BCL9L: variants seen among roughly 807,000 people sequenced by gnomAD.
BCL9L encodes the protein BCL9 like.
A neutral mutation model predicts 99.4 loss-of-function variants in BCL9L; 19 were observed. The observed-to-expected ratio is 0.19, with a 90% CI of 0.13 to 0.28. BCL9L has a LOEUF of 0.28. BCL9L is among the 10% of genes least tolerant of loss of function. The pLI is 1.00. For missense variants in BCL9L, 2,023 were observed against 2,101.6 expected, an observed-to-expected ratio of 0.96 and a Z score of 0.73; for synonymous variants, 900 against 854.8, an observed-to-expected ratio of 1.05 and a Z score of -0.92.
intron 2 of BCL9L, among the ~76,000 whole-genome samples, chr11:118,912,029 C>T (rs1257667783): frequency 1.3e-5 from 2 of 152,386 alleles, no homozygotes; most frequent in Admixed American, 6.5e-5. Flanking sequence ...ACTCCACCCC[C>T]TCTCTCCCAC....
intron 2 of BCL9L, among the ~76,000 whole-genome samples, chr11:118,912,558 T>TAGCTGGGGGAGGG: frequency 6.6e-6 from 1 of 152,288 alleles, no homozygotes; most frequent in Non-Finnish European, 1.5e-5. Flanking sequence ...GACTTGATCC[T>TAGCTGGGGGAGGG]AGCTGGGGGA....
rs1940083018 is a variant in BCL9L at position 118,899,188 on chromosome 11, C to T, written c.3727G>A (p.Gly1243Arg). 3 of 1,490,976 alleles carry T rather than the reference C, an allele frequency of 2.0e-6. No individual in the cohort carries two copies. The highest frequency in any genetic ancestry group is 1.8e-6 in the Non-Finnish European group (2 of 1,119,332). 92.4% of individuals were successfully genotyped at this position (1,490,976 alleles called of 1,614,324 possible). A position where few individuals can be genotyped will look rare whatever the true frequency, so the allele number is the denominator to read the frequency against. The change falls in exon 10 of 10, where the codon GGG (glycine) becomes AGG (arginine). Residue 1243 changes from glycine (G) to arginine (R), a missense_variant. By Grantham distance (125) the Gly-to-Arg change is moderately radical (BLOSUM62 -2). Transcript: ENST00000683865. The part of the protein sequence containing the change: ...QQPHGAMAPT[G>R]GGGGGPGLQQ... ...AGGCCAGGCCCCCCGCCCCCACCCC[C>T]AGTGGGGGCCATGGCACCATGGGGC...
At position 118,901,920 on chromosome 11, in the gene BCL9L, A is replaced by T. The variant is rs1940262457; in HGVS notation, c.1823T>A (p.Ile608Lys). Residue 608 changes from isoleucine (I) to lysine (K), a missense_variant, in exon 8 of 10, where the codon ATA becomes AAA. By Grantham distance (102) the Ile-to-Lys change is moderately radical (BLOSUM62 -3). Transcript: ENST00000683865. The surrounding 1 kb of genome is among the most constrained non-coding windows in gnomAD (Gnocchi z 6.6). Reference protein sequence around the residue: ...FPGPRFPGNQIQRVPGFGGMQ... With the variant: ...FPGPRFPGNQKQRVPGFGGMQ... ...GCCCCCAAACCCAGGTACCCGTTGT[A>T]TCTGGTTGCCTGGGAAACGGGGCCC... 3 of 1,613,448 alleles carry T rather than the reference A, an allele frequency of 1.9e-6. No individual in the cohort carries two copies. The highest frequency in any genetic ancestry group is 2.2e-5 in the East Asian group (1 of 44,878).
At chr11:118,919,049 C>G (rs1395316104) in intron 1 of BCL9L, among the ~76,000 whole-genome samples, 170 bp from the exon 2 acceptor site, 1 of 134,346 alleles carries the variant, frequency 7.4e-6, no homozygotes, top group African/African-American at 2.8e-5. Context: ...CCCCCACCCC[C>G]ACCAGGACTT....
intron 3 of BCL9L, 105 bp from the exon 4 acceptor site, chr11:118,908,760 G>A (rs1940648192): frequency 4.4e-6 from 4 of 909,384 alleles, no homozygotes; most frequent in South Asian, 1.7e-5. Flanking sequence ...GGGGAGGGTG[G>A]GGGGAAGGGG....
rs1221683769 is a variant in BCL9L at position 118,901,839 on chromosome 11, G to C, written c.1904C>G (p.Pro635Arg). ...PMNAMQRPVR[P>R]GMGWTEDLPP... is the part of the protein sequence containing the mutation. ...CAAGTCTTCGGTCCAGCCCATGCCT[G>C]GTCTCACGGGCCTCTGCATGGCATT... The change falls in exon 8 of 10, where the codon CCA (proline) becomes CGA (arginine). Residue 635 changes from proline to arginine, a missense_variant. Around this residue, in one of 3 missense-constraint regions of BCL9L, gnomAD observed 1,116 missense variants for 1,194.6 expected, o/e 0.93. Transcript: ENST00000683865. The surrounding 1 kb of genome is among the most constrained non-coding windows in gnomAD (Gnocchi z 6.6). 6.2e-7 allele frequency: 1 copy of C among 1,609,778 alleles called. No individual in the cohort carries two copies. Among genetic ancestry groups the C allele is most frequent in the Admixed American group, 1.7e-5 (1 of 59,912 alleles).
At position 118,903,338 on chromosome 11, in the gene BCL9L, C is replaced by G. The variant is rs1940371121; in HGVS notation, c.647G>C (p.Gly216Ala). Residue 216 changes from glycine (G) to alanine (A), a missense_variant, in exon 6 of 10, where the codon GGC becomes GCC. Around this residue, in one of 3 missense-constraint regions of BCL9L, gnomAD observed 1,116 missense variants for 1,194.6 expected, o/e 0.93. Coordinates refer to ENST00000683865, the MANE Select transcript of BCL9L (RefSeq NM_001378213.1). The surrounding 1 kb of genome is among the most constrained non-coding windows in gnomAD (Gnocchi z 5.6). ...GCCCCCAGGGGCATCAGGCCGAAGG[C>G]CAGGAGGAGGGCCGTGCGGGGCGCC... Reference protein sequence around the residue: ...VPGAPHGPPPGLRPDAPGGGG... With the variant: ...VPGAPHGPPPALRPDAPGGGG... 4 of 1,593,546 alleles carry G rather than the reference C, an allele frequency of 2.5e-6. No individual in the cohort carries two copies. Among genetic ancestry groups the G allele is most frequent in the Non-Finnish European group, 3.4e-6 (4 of 1,171,024 alleles).
chr11:118,902,918 G>T lies in BCL9L; in HGVS notation c.835-10C>A. 6.3e-7 allele frequency: 1 copy of T among 1,587,804 alleles called. No individual in the cohort carries two copies. On this transcript the variant is annotated splice_polypyrimidine_tract_variant and intron_variant, in intron 7 of 9. Coordinates refer to ENST00000683865, the MANE Select transcript of BCL9L (RefSeq NM_001378213.1). This position sits in a 1 kb window ranked among gnomAD's most constrained non-coding sequence, Gnocchi z 7.8. ...GGGGCACTTTAGGGGCCTGCAGAAG[G>T]ACAAAGAGAGCATGAGACAGGTAAG...
chr11:118,902,452 G>T lies in BCL9L; in HGVS notation c.1291C>A (p.Leu431Ile), dbSNP rs1368529586. 3 of 1,601,032 alleles carry T rather than the reference G, an allele frequency of 1.9e-6. No individual in the cohort carries two copies. Among genetic ancestry groups the T allele is most frequent in the Non-Finnish European group, 2.6e-6 (3 of 1,174,060 alleles). The stretch of plus-strand genomic sequence containing the variant: ...CCCGCTCCTCCTGGGGGCCCCTTGA[G>T]GAAGGGCTCAGTCTCTCCGCTGCGG... Reference protein sequence around the residue: ...LLRSGETEPFLKGPPGGAGEG... With the variant: ...LLRSGETEPFIKGPPGGAGEG... The change falls in exon 8 of 10, where the codon CTC becomes ATC. Residue 431 changes from leucine (L) to isoleucine (I), a missense_variant. Physicochemically the swap from Leu to Ile is conservative, Grantham distance 5. This residue lies in a region of BCL9L where 1,116 missense variants were observed against 1,194.6 expected (regional missense o/e 0.93). Coordinates refer to ENST00000683865, the MANE Select transcript of BCL9L (RefSeq NM_001378213.1). This position sits in a 1 kb window ranked among gnomAD's most constrained non-coding sequence, Gnocchi z 7.8.
chr11:118,898,039 G>A lies in BCL9L; in HGVS notation c.*376C>T, dbSNP rs1327463328. Reference sequence around the variant, plus strand: ...GAGCAGAAGGGGCTGGGGGAGACCTGACCTGTCCTTCCTCTCTCCCCCCAG... The same window carrying A: ...GAGCAGAAGGGGCTGGGGGAGACCTAACCTGTCCTTCCTCTCTCCCCCCAG... On this transcript the variant is annotated 3_prime_UTR_variant, in exon 10 of 10. Transcript: ENST00000683865. The A allele has an allele frequency of 1.4e-5, 6 of 421,474 alleles. No homozygotes were observed. The highest frequency in any genetic ancestry group is 2.7e-5 in the Non-Finnish European group (6 of 222,782). The allele number at this position is 421,474 out of a possible 1,614,324, so 26.1% of individuals were successfully genotyped here.
intron 1 of BCL9L, among the ~76,000 whole-genome samples, chr11:118,924,101 T>C (rs1489736437): frequency 6.6e-6 from 1 of 151,988 alleles, no homozygotes; most frequent in African/African-American, 2.4e-5. Flanking sequence ...GAGAAGACAG[T>C]GGAAGCCCAC....
At chr11:118,904,169 G>A (rs1032249690) in intron 5 of BCL9L, among the ~76,000 whole-genome samples, 4 of 152,148 alleles carry the variant, frequency 2.6e-5, no homozygotes, top group Admixed American at 6.5e-5. Context: ...AGCCGGGAGC[G>A]GTGTCTCACG....
rs369480203 is a variant in BCL9L, at chr11:118,901,602, G to A, written c.2141C>T (p.Ala714Val). The A allele has an allele frequency of 6.3e-5, 102 of 1,613,856 alleles. No homozygotes were observed. Among genetic ancestry groups the A allele is most frequent in the Middle Eastern group, 4.9e-4 (3 of 6,084 alleles). The change falls in exon 8 of 10, where the codon GCG becomes GTG. Residue 714 changes from alanine (A) to valine (V), a missense_variant. By Grantham distance (64) the Ala-to-Val change is moderately conservative. This residue lies in a region of BCL9L where 1,116 missense variants were observed against 1,194.6 expected (regional missense o/e 0.93). Transcript: ENST00000683865. This position sits in a 1 kb window ranked among gnomAD's most constrained non-coding sequence, Gnocchi z 6.6. ...CATGGCAGGATCCATCTGTCGGTGC[G>A]CCTGCATCATCCGCTCCATCTCCAT... ...QSMEMERMMQ[A>V]HRQMDPAMFP... is the part of the protein sequence containing the mutation.
Position 118,925,673 on chromosome 11 carries a change from A to AG in BCL9L, c.-567dup, listed in dbSNP as rs147954097. On this transcript the variant is annotated 5_prime_UTR_variant, in exon 1 of 10. Transcript: ENST00000683865. This position sits in a 1 kb window ranked among gnomAD's most constrained non-coding sequence, Gnocchi z 6.4. ...CGGGAATGCCGGGCGCTGGGTGGGG[A>AG]GGGGCTGTCTGGGCGCTTATTGTTG... 151,347 of 151,390 alleles carry AG rather than the reference A, an allele frequency of 1. 75,652 individuals are homozygous for AG. The highest frequency in any genetic ancestry group is 1 in the Middle Eastern group (292 of 292). The allele number at this position is 151,390 out of a possible 1,614,324, so 9.4% of individuals were successfully genotyped here.
chr11:118,901,730 A>G lies in BCL9L; in HGVS notation c.2013T>C (p.Thr671=). The change falls in exon 8 of 10, where the codon ACT becomes ACC. Residue 671 remains threonine (T), a synonymous_variant. Transcript: ENST00000683865. This position sits in a 1 kb window ranked among gnomAD's most constrained non-coding sequence, Gnocchi z 6.6. ...GCAGCAGCTCCTCACGGACCCGGGG[A>G]GTCATGAATCGCTCCGCCTCACCCT... The part of the protein sequence containing the change: ...GGQGEAERFM[T]PRVREELLRH... 1 of 1,613,216 alleles carries G rather than the reference A, an allele frequency of 6.2e-7. No homozygotes were observed. Among genetic ancestry groups the G allele is most frequent in the Non-Finnish European group, 8.5e-7 (1 of 1,179,588 alleles).
At position 118,901,285 on chromosome 11, in the gene BCL9L, C is replaced by G. The variant is rs1212248086; in HGVS notation, c.2458G>C (p.Val820Leu). The change falls in exon 8 of 10, where the codon GTT (valine) becomes CTT (leucine). Residue 820 changes from valine to leucine, a missense_variant. Val to Leu is a conservative substitution (Grantham distance 32). Around this residue, in one of 3 missense-constraint regions of BCL9L, gnomAD observed 1,116 missense variants for 1,194.6 expected, o/e 0.93. Coordinates refer to ENST00000683865, the MANE Select transcript of BCL9L (RefSeq NM_001378213.1). This position sits in a 1 kb window ranked among gnomAD's most constrained non-coding sequence, Gnocchi z 6.6. ...QGLSPEEMAR[V>L]RAQNSSGVMG... ...ACGCCACTGCTGTTCTGGGCCCGAA[C>G]CCGGGCCATCTCCTCAGGACTGAGG... 1 of 1,614,028 alleles carries G rather than the reference C, an allele frequency of 6.2e-7. No individual in the cohort carries two copies. Among genetic ancestry groups the G allele is most frequent in the African/African-American group, 1.3e-5 (1 of 75,034 alleles).
In BCL9L at chr11:118,901,805, C is replaced by T; in HGVS notation, c.1938G>A (p.Met646Ile). The change falls in exon 8 of 10, where the codon ATG becomes ATA. Residue 646 changes from methionine to isoleucine, a missense_variant. Physicochemically the swap from Met to Ile is conservative, Grantham distance 10 (BLOSUM62 1). This residue lies in a region of BCL9L where 1,116 missense variants were observed against 1,194.6 expected (regional missense o/e 0.93). Coordinates refer to ENST00000683865, the MANE Select transcript of BCL9L (RefSeq NM_001378213.1). This position sits in a 1 kb window ranked among gnomAD's most constrained non-coding sequence, Gnocchi z 6.6. ...GMGWTEDLPP[M>I]GGPSNFAQNT... ...TCTGGGCAAAATTGCTGGGTCCCCC[C>T]ATAGGGGGCAAGTCTTCGGTCCAGC... The T allele has an allele frequency of 6.2e-7, 1 of 1,610,830 alleles. No homozygotes were observed. Among genetic ancestry groups the T allele is most frequent in the Non-Finnish European group, 8.5e-7 (1 of 1,177,396 alleles).
chr11:118,911,022 C>T (rs571320090), intron 2 of BCL9L: 99 of 316,698 alleles, frequency 3.1e-4, no homozygotes, highest in African/African-American at 2.0e-3. Context: ...GTGGGAGCGC[C>T]GGACCCATTG....
In BCL9L at chr11:118,902,804, G is replaced by C; in HGVS notation, c.939C>G (p.Ala313=). The change falls in exon 8 of 10, where the codon GCC becomes GCG. Residue 313 remains alanine, a synonymous_variant. Transcript: ENST00000683865. This position sits in a 1 kb window ranked among gnomAD's most constrained non-coding sequence, Gnocchi z 7.8. ...PPPLPPPPPP[A]PGSAPPALPP... is the part of the protein sequence containing the mutation. ...GCAGAGCAGGCGGGGCACTGCCAGGGGCCGGGGGTGGCGGCGGCGGCAGTG... is the reference window on the plus strand; with the variant it reads ...GCAGAGCAGGCGGGGCACTGCCAGGCGCCGGGGGTGGCGGCGGCGGCAGTG... The C allele has an allele frequency of 6.4e-7, 1 of 1,556,102 alleles. No individual in the cohort carries two copies. Among genetic ancestry groups the C allele is most frequent in the Non-Finnish European group, 8.6e-7 (1 of 1,157,762 alleles).
Sources: allele counts gnomAD v4.1 joint callset (sites outside exome capture counted in the v4.1 genomes callset), GRCh38; gene constraint gnomAD v4.1.1; regional missense constraint gnomAD v4.1.1; non-coding constraint Gnocchi (gnomAD v3.1); transcripts MANE v1.5; gene names NCBI Gene and HGNC (gene_info 2026-07-23, HGNC 2026-07-21).